The following UBE3D variants were observed in gnomAD, a reference collection of about 807,000 sequenced individuals.
The protein encoded by UBE3D is E3 ubiquitin-protein ligase E3D.
A neutral mutation model predicts 49.6 loss-of-function variants in UBE3D; 48 were observed. The observed-to-expected ratio is 0.97, with a 90% CI of 0.77 to 1.23. The LOEUF is 1.23. UBE3D is among the 50% of genes most tolerant of loss of function. UBE3D has a pLI of 0.00. For missense variants in UBE3D, 452 were observed against 468.4 expected, an observed-to-expected ratio of 0.96 and a Z score of 0.32; for synonymous variants, 189 against 174.2, an observed-to-expected ratio of 1.08 and a Z score of -0.67.
chr6:83,008,672 C>T (rs1780147640), intron 8 of UBE3D, among the ~76,000 whole-genome samples: 1 of 152,096 alleles, frequency 6.6e-6, no homozygotes, highest in African/African-American at 2.4e-5. Context: ...TCTGGCAATC[C>T]ACACTTCCAT....
At chr6:83,063,412 T>TAAAAAAAAAA (rs201669450) in intron 1 of UBE3D, among the ~76,000 whole-genome samples, 142 of 45,318 alleles carry the variant, frequency 3.1e-3, no homozygotes, top group African/African-American at 4.4e-3. Flanking sequence ...AGACGCTGTC[T>TAAAAAAAAAA]AAAAAAAAAA....
intron 9 of UBE3D, among the ~76,000 whole-genome samples, chr6:82,928,130 T>TC (rs551463864): frequency 4.6e-5 from 7 of 152,006 alleles, no homozygotes; most frequent in Non-Finnish European, 1.0e-4. Context: ...AGGGAAGTTA[T>TC]CCCCAAGTAG....
At chr6:82,933,509 A>T (rs1774322933) in intron 9 of UBE3D, among the ~76,000 whole-genome samples, 1 of 152,256 alleles carries the variant, frequency 6.6e-6, no homozygotes, top group Non-Finnish European at 1.5e-5. Context: ...GAAGTCTATT[A>T]TGATATAAGG....
chr6:83,060,582 T>C (rs2127856429), intron 1 of UBE3D, among the ~76,000 whole-genome samples: 1 of 152,300 alleles, frequency 6.6e-6, no homozygotes, highest in East Asian at 1.9e-4. Context: ...ATGAGTACAC[T>C]TAGTGCCCAG....
At chr6:82,999,067 A>G (rs1779438229) in intron 8 of UBE3D, among the ~76,000 whole-genome samples, 1 of 152,056 alleles carries the variant, frequency 6.6e-6, no homozygotes, top group South Asian at 2.1e-4. Flanking sequence ...ATTCTCCTCA[A>G]ATCTGCAACC....
chr6:83,021,140 C>A (rs535412167), intron 7 of UBE3D, among the ~76,000 whole-genome samples: 19 of 152,228 alleles, frequency 1.2e-4, no homozygotes, highest in Middle Eastern at 3.4e-3. Flanking sequence ...TTAAAAACAA[C>A]AGAAGAAGGC....
chr6:82,976,717 A>T (rs770464472), intron 8 of UBE3D, among the ~76,000 whole-genome samples: 3 of 152,190 alleles, frequency 2.0e-5, no homozygotes, highest in Admixed American at 6.5e-5. Flanking sequence ...TTGTCTTGGA[A>T]GCATTTCCAC....
intron 1 of UBE3D, among the ~76,000 whole-genome samples, chr6:83,059,982 G>A (rs776518021): frequency 2.9e-4 from 44 of 152,236 alleles, no homozygotes; most frequent in Non-Finnish European, 5.3e-4. Flanking sequence ...ACTATAGATG[G>A]GTGGCTTAAA....
Position 83,019,140 on chromosome 6 carries a change from A to C in UBE3D, c.847-4T>G, listed in dbSNP as rs1328556073. The stretch of plus-strand genomic sequence containing the variant: ...TGTCTGAATTTAAAAGCCATAGCTA[A>C]AGATGTGAAGAGAAAGTCCAAGTAT... On this transcript the variant is annotated splice_region_variant and splice_polypyrimidine_tract_variant and intron_variant, in intron 7 of 9. Coordinates refer to ENST00000369747, the MANE Select transcript of UBE3D (RefSeq NM_198920.3). The C allele has an allele frequency of 1.7e-5, 27 of 1,608,802 alleles. No homozygotes were observed. Among genetic ancestry groups the C allele is most frequent in the Non-Finnish European group, 2.1e-5 (25 of 1,177,916 alleles).
chr6:82,960,421 T>C (rs1472656235), intron 8 of UBE3D, among the ~76,000 whole-genome samples: 1 of 152,052 alleles, frequency 6.6e-6, no homozygotes, highest in Non-Finnish European at 1.5e-5. Flanking sequence ...TCCACTATTG[T>C]CTTACATATA....
chr6:83,023,594 G>A (rs1781251075), intron 6 of UBE3D, among the ~76,000 whole-genome samples: 2 of 152,338 alleles, frequency 1.3e-5, no homozygotes, highest in East Asian at 1.9e-4. Context: ...CATCCTGGAT[G>A]TAACTGGAGA....
chr6:82,965,654 T>G (rs1199572196), intron 8 of UBE3D, among the ~76,000 whole-genome samples: 1 of 150,676 alleles, frequency 6.6e-6, no homozygotes. Context: ...AGAAACTTCA[T>G]AATTAGAAGT....
At chr6:82,911,898 T>G (rs1395116176) in intron 9 of UBE3D, among the ~76,000 whole-genome samples, 1 of 152,194 alleles carries the variant, frequency 6.6e-6, no homozygotes, top group Non-Finnish European at 1.5e-5. Context: ...CTTCCTGTGC[T>G]AGCAGCTGCT....
chr6:83,014,175 T>C (rs961591581), intron 8 of UBE3D, among the ~76,000 whole-genome samples: 3 of 152,230 alleles, frequency 2.0e-5, no homozygotes, highest in African/African-American at 7.2e-5. Flanking sequence ...TAATCCACTG[T>C]CGTTCTCTAA....
intron 8 of UBE3D, among the ~76,000 whole-genome samples, chr6:82,988,439 C>A (rs1778670383): frequency 6.6e-6 from 1 of 151,870 alleles, no homozygotes; most frequent in Non-Finnish European, 1.5e-5. Flanking sequence ...ACAGACTGAC[C>A]CTCTCAGTGA....
chr6:83,037,657 T>A (rs368078656), intron 5 of UBE3D: 5 of 152,318 alleles, frequency 3.3e-5, no homozygotes, highest in African/African-American at 1.2e-4. Flanking sequence ...GTAAATCACA[T>A]CTTCTAATTA....
chr6:83,034,497 C>T (rs1400671877), intron 5 of UBE3D, among the ~76,000 whole-genome samples: 2 of 152,110 alleles, frequency 1.3e-5, no homozygotes, highest in Non-Finnish European at 2.9e-5. Flanking sequence ...TGTCCCCACC[C>T]AAATCTCATG....
intron 3 of UBE3D, among the ~76,000 whole-genome samples, chr6:83,045,374 C>G (rs1426535694): frequency 8.5e-5 from 13 of 152,144 alleles, no homozygotes; most frequent in Admixed American, 8.5e-4. Context: ...ACTGGCAACT[C>G]TTAAATTACT....
Position 82,986,872 on chromosome 6 carries a change from A to T in UBE3D, c.1011-29422T>A, listed in dbSNP as rs564461114. Among the ~76,000 whole-genome samples the T allele has an allele frequency of 1.6e-4, 24 of 149,114 alleles. No homozygotes were observed. In the South Asian group the frequency reaches 5.0e-3, roughly 31 times the overall value. ...GTGTTATTTTTATTTTATATATAAT[A>T]AATTAATTATATTATACATATGTAT... On this transcript the variant is annotated intron_variant, in intron 8 of 9. Transcript: ENST00000369747.
Sources: gnomAD v4.1 joint callset for allele counts (sites outside exome capture counted in the v4.1 genomes callset) on GRCh38, gnomAD v4.1.1 for gene constraint, MANE v1.5 for transcripts, NCBI Gene and HGNC (gene_info 2026-07-23, HGNC 2026-07-21) for gene names.